ADAM11: variants seen among roughly 807,000 people sequenced by gnomAD.
The protein encoded by ADAM11 is ADAM metallopeptidase domain 11.
A neutral mutation model predicts 119.1 loss-of-function variants in ADAM11; 49 were observed. The ratio of observed to expected loss-of-function variants is 0.41; its 90% CI spans 0.33 to 0.52. The LOEUF is 0.52. Among genes scored for constraint, ADAM11 ranks in the 20% least tolerant of loss-of-function variants. The pLI is 0.20. For missense variants in ADAM11, 777 were observed against 1,047.5 expected (o/e 0.74, Z 3.56); for synonymous variants, 364 against 408.0 (o/e 0.89, Z 1.30).
intron 26 of ADAM11, 147 bp downstream of exon 26, chr17:44,779,386 G>A (rs750645732): frequency 6.9e-5 from 100 of 1,453,374 alleles, no homozygotes; most frequent in South Asian, 1.7e-4. Flanking sequence ...AGGCTGTCCC[G>A]GCAGGGGTGG....
chr17:44,777,533 G>A lies in ADAM11; in HGVS notation c.1833G>A (p.Arg611=), dbSNP rs760291997. Reference sequence around the variant, plus strand: ...GTGTCAACATCTCTGGAGCTCCTCGGCTAGGGGACCTGGTGGGAGACATCA... The same window carrying A: ...GTGTCAACATCTCTGGAGCTCCTCGACTAGGGGACCTGGTGGGAGACATCA... ...LLCVNISGAP[R]LGDLVGDISS... is the part of the protein sequence containing the mutation. Residue 611 remains arginine, a synonymous_variant, in exon 22 of 27, where the codon CGG becomes CGA. Coordinates refer to ENST00000200557, the MANE Select transcript of ADAM11 (RefSeq NM_002390.6). This position sits in a 1 kb window ranked among gnomAD's most constrained non-coding sequence, Gnocchi z 5.1. The A allele has an allele frequency of 4.0e-5, 65 of 1,614,090 alleles. No individual in the cohort carries two copies. The highest frequency in any genetic ancestry group is 5.2e-5 in the Non-Finnish European group (61 of 1,180,036).
intron 2 of ADAM11, among the ~76,000 whole-genome samples, chr17:44,766,628 G>C (rs1026691173): frequency 2.0e-5 from 3 of 152,176 alleles, no homozygotes; most frequent in Non-Finnish European, 2.9e-5. Flanking sequence ...CCATGACCCT[G>C]GGCCAGTCAC....
At chr17:44,769,284 G>T (rs2049488365) in intron 2 of ADAM11, among the ~76,000 whole-genome samples, 1 of 152,138 alleles carries the variant, frequency 6.6e-6, no homozygotes. Flanking sequence ...AGGCAGCGAG[G>T]GTCCTGCCTC....
rs1487089396 is a variant in ADAM11, at chr17:44,779,519, G to A, written c.2295-220G>A. On this transcript the variant is annotated intron_variant, in intron 26 of 26. Coordinates refer to ENST00000200557, the MANE Select transcript of ADAM11 (RefSeq NM_002390.6). ...TGCCACCAGGTGGAACTGGAGCTGC[G>A]CCCCTGGCAGTCCCCATCCCCGGGA... The A allele has an allele frequency of 1.7e-5, 17 of 985,346 alleles. No individual in the cohort carries two copies. In the South Asian group the frequency reaches 3.8e-4, roughly 22 times the overall value. The allele number at this position is 985,346 out of a possible 1,614,324, so 61.0% of individuals were successfully genotyped here.
chr17:44,771,841 A>G lies in ADAM11; in HGVS notation c.543+10A>G. On this transcript the variant is annotated intron_variant, in intron 6 of 26. Transcript: ENST00000200557. The stretch of plus-strand genomic sequence containing the variant: ...TTGGGGAGCCCCTCAGGTAAGCCCC[A>G]CACAACCCCTTGCCATCCTCTCTGG... The G allele has an allele frequency of 6.3e-7, 1 of 1,598,748 alleles. No homozygotes were observed. Among genetic ancestry groups the G allele is most frequent in the Non-Finnish European group, 8.6e-7 (1 of 1,169,170 alleles).
intron 25 of ADAM11, among the ~76,000 whole-genome samples, chr17:44,778,688 C>CAAAAAAAAAAA (rs566515861): frequency 3.8e-5 from 2 of 52,418 alleles, no homozygotes; most frequent in Non-Finnish European, 7.2e-5. Context: ...AAGACTGCGT[C>CAAAAAAAAAAA]AAAAAAAAAA....
At position 44,772,218 on chromosome 17, in the gene ADAM11, TGGAGCAGGCCCAG is replaced by T; in HGVS notation, c.544-48_544-36del. The T allele has an allele frequency of 6.4e-7, 1 of 1,550,388 alleles. No homozygotes were observed. Among genetic ancestry groups the T allele is most frequent in the Non-Finnish European group, 8.8e-7 (1 of 1,136,850 alleles). On this transcript the variant is annotated intron_variant, in intron 6 of 26. Transcript: ENST00000200557. This position sits in a 1 kb window ranked among gnomAD's most constrained non-coding sequence, Gnocchi z 4.5. ...GGATCTGGCCCCCGCCAAGTGGGCC[TGGAGCAGGCCCAG>T]TTGGCACCCCAAGAACTAATTTCCC... is the stretch of plus-strand genomic sequence containing the variant.
At chr17:44,760,565 AC>A (rs2049377573) in intron 2 of ADAM11, among the ~76,000 whole-genome samples, 1 of 152,164 alleles carries the variant, frequency 6.6e-6, no homozygotes, top group Non-Finnish European at 1.5e-5. Flanking sequence ...AATAATAATC[AC>A]CCAGATGGAA....
At position 44,773,961 on chromosome 17, in the gene ADAM11, T is replaced by G. The variant is rs1468005764; in HGVS notation, c.993-334T>G. 6.6e-6 allele frequency among the ~76,000 whole-genome samples: 1 copy of G among 152,018 alleles called. No homozygotes were observed. Among genetic ancestry groups the G allele is most frequent in the Non-Finnish European group, 1.5e-5 (1 of 67,984 alleles). ...CAAAAATTAGCCAGGCGTGGTGGTG[T>G]GCACCTGTAGTCCCAGCTACTCGGG... On this transcript the variant is annotated intron_variant, in intron 11 of 26. Transcript: ENST00000200557. The surrounding 1 kb of genome is among the most constrained non-coding windows in gnomAD (Gnocchi z 4.6).
In ADAM11 at chr17:44,772,365, CGGCT is replaced by C; in HGVS notation, c.611-32_611-29del. The stretch of plus-strand genomic sequence containing the variant: ...GAGGGAAGGGGGGGTGGGGAGGGGC[CGGCT>C]GTGCCCCCCTCACCTGCCCCTCCCC... On this transcript the variant is annotated intron_variant, in intron 7 of 26. Coordinates refer to ENST00000200557, the MANE Select transcript of ADAM11 (RefSeq NM_002390.6). The surrounding 1 kb of genome is among the most constrained non-coding windows in gnomAD (Gnocchi z 4.5). The C allele has an allele frequency of 6.3e-7, 1 of 1,579,872 alleles. No individual in the cohort carries two copies. Among genetic ancestry groups the C allele is most frequent in the Non-Finnish European group, 8.6e-7 (1 of 1,161,500 alleles).
chr17:44,779,187 T>C, intron 25 of ADAM11, 35 bp from the exon 26 acceptor site: 1 of 1,583,882 alleles, frequency 6.3e-7, no homozygotes, highest in Admixed American at 1.8e-5. Flanking sequence ...AGATGTCTCC[T>C]TTTCCTCTCC....
At chr17:44,779,449 A>G (rs1379760273) in intron 26 of ADAM11, 1 of 985,228 alleles carries the variant, frequency 1.0e-6, no homozygotes, top group Non-Finnish European at 1.2e-6. Context: ...TCGCCCGCTC[A>G]GGCCACGTCC....
At chr17:44,771,974 G>A (rs1003266988) in intron 6 of ADAM11, 143 bp downstream of exon 6, 2 of 991,718 alleles carry the variant, frequency 2.0e-6, no homozygotes, top group African/African-American at 1.6e-5. Context: ...CCCAGCTCTG[G>A]TTCCCTCCCT....
At chr17:44,759,473 C>A in intron 1 of ADAM11, 1 of 1,250,714 alleles carries the variant, frequency 8.0e-7, no homozygotes, top group Non-Finnish European at 1.0e-6. Context: ...TGCCGCCGAC[C>A]GGCCAGCTCT....
chr17:44,776,598 C>A lies in ADAM11; in HGVS notation c.1567-147C>A. ...AATCCGTGTGGTCTGGGTCCAGAAC[C>A]AGACAGATCGCTTGTCCTAGGCGTG... is the stretch of plus-strand genomic sequence containing the variant. On this transcript the variant is annotated intron_variant, in intron 18 of 26. Transcript: ENST00000200557. This position sits in a 1 kb window ranked among gnomAD's most constrained non-coding sequence, Gnocchi z 5.2. 2 of 1,056,412 alleles carry A rather than the reference C, an allele frequency of 1.9e-6. No homozygotes were observed. The highest frequency in any genetic ancestry group is 1.4e-6 in the Non-Finnish European group (1 of 740,106). 65.4% of individuals were successfully genotyped at this position (1,056,412 alleles called of 1,614,324 possible). A position where few individuals can be genotyped will look rare whatever the true frequency, so the allele number is the denominator to read the frequency against.
intron 11 of ADAM11, 56 bp from the exon 12 acceptor site, chr17:44,774,239 C>T (rs2049567274): frequency 4.1e-6 from 5 of 1,231,894 alleles, no homozygotes; most frequent in Non-Finnish European, 5.5e-6. Context: ...CCCACCACCA[C>T]CCGGGGAGCC....
rs761404892 is a variant in ADAM11 at position 44,772,482 on chromosome 17, C to CAGACCTCGGGCTGCAG, written c.678+36_678+51dup. The CAGACCTCGGGCTGCAG allele has an allele frequency of 8.7e-5, 136 of 1,559,392 alleles. No individual in the cohort carries two copies. The highest frequency in any genetic ancestry group is 3.3e-4 in the East Asian group (14 of 41,850). On this transcript the variant is annotated intron_variant, in intron 8 of 26. Transcript: ENST00000200557. The surrounding 1 kb of genome is among the most constrained non-coding windows in gnomAD (Gnocchi z 4.5). ...GAAAAGGCAGGTACGGGGGCCCGCACAGACCTCGGGCTGCAGAGACCTCGG... is the reference window on the plus strand; with the variant it reads ...GAAAAGGCAGGTACGGGGGCCCGCACAGACCTCGGGCTGCAGAGACCTCGGGCTGCAGAGACCTCGG...
chr17:44,774,260 G>T (rs774704445), intron 11 of ADAM11, 35 bp from the exon 12 acceptor site: 3 of 1,392,640 alleles, frequency 2.2e-6, no homozygotes, highest in Non-Finnish European at 2.9e-6. Flanking sequence ...ACAGGGGAGG[G>T]CAGGAGGCCA....
rs774693191 is a variant in ADAM11 at position 44,778,010 on chromosome 17, G to A, written c.2129G>A (p.Ser710Asn). ...CQPDWTGKDC[S>N]IHNPLPTSPP... ...CCAGACTGGACAGGCAAAGACTGCAGTATCCATAACCCCCTGCCCACGTCC... is the reference window on the plus strand; with the variant it reads ...CCAGACTGGACAGGCAAAGACTGCAATATCCATAACCCCCTGCCCACGTCC... The change falls in exon 24 of 27, where the codon AGT (serine) becomes AAT (asparagine). Residue 710 changes from serine to asparagine, a missense_variant. Ser to Asn is a conservative substitution (Grantham distance 46). Transcript: ENST00000200557. 1.9e-6 allele frequency: 3 copies of A among 1,613,984 alleles called. No individual in the cohort carries two copies. The highest frequency in any genetic ancestry group is 2.5e-6 in the Non-Finnish European group (3 of 1,179,996).
Sources: allele counts gnomAD v4.1 joint callset (sites outside exome capture counted in the v4.1 genomes callset), GRCh38; gene constraint gnomAD v4.1.1; non-coding constraint Gnocchi (gnomAD v3.1); transcripts MANE v1.5; gene names NCBI Gene and HGNC (gene_info 2026-07-23, HGNC 2026-07-21).